LRFN2: variants seen among roughly 807,000 people sequenced by gnomAD.
LRFN2 encodes leucine-rich repeat and fibronectin type-III domain-containing protein 2.
In LRFN2, 18 loss-of-function variants were observed where a neutral mutation model predicts 37.3. The observed-to-expected ratio is 0.48, with a 90% CI of 0.33 to 0.72. The LOEUF is 0.72. Among genes scored for constraint, LRFN2 ranks in the 30% least tolerant of loss-of-function variants. LRFN2 has a pLI of 0.02. For synonymous variants in LRFN2, 556 were observed against 466.6 expected (o/e 1.19, Z -2.47); for missense variants, 1,006 against 1,060.7 (o/e 0.95, Z 0.72).
chr6:40,576,495 A>C (rs2494945), intron 1 of LRFN2, among the ~76,000 whole-genome samples: 80,811 of 152,066 alleles, frequency 0.53, 22,068 homozygotes, highest in African/African-American at 0.64. Context: ...GCAGCCCAGC[A>C]TGAGATAACT....
At chr6:40,541,339 C>T (rs977473873) in intron 1 of LRFN2, among the ~76,000 whole-genome samples, 3 of 152,200 alleles carry the variant, frequency 2.0e-5, no homozygotes, top group African/African-American at 7.2e-5. Context: ...TTTTCAGTCG[C>T]CTCACATTCC....
intron 1 of LRFN2, among the ~76,000 whole-genome samples, chr6:40,523,522 T>C (rs1766151458): frequency 6.7e-6 from 1 of 149,098 alleles, no homozygotes; most frequent in Admixed American, 6.7e-5. Flanking sequence ...TTTTTTTTTT[T>C]TTTTTTTTTT....
chr6:40,435,050 T>TAG (rs1384410748), intron 1 of LRFN2, among the ~76,000 whole-genome samples: 434 of 60,008 alleles, frequency 7.2e-3, no homozygotes, highest in Non-Finnish European at 8.3e-3. Context: ...TATATATATA[T>TAG]ATAGAGAGAG....
intron 2 of LRFN2, among the ~76,000 whole-genome samples, chr6:40,419,929 G>A (rs905731917): frequency 6.6e-6 from 1 of 152,226 alleles, no homozygotes; most frequent in African/African-American, 2.4e-5. Context: ...TTGCTAAACT[G>A]AGAAGCTCCT....
At chr6:40,466,643 T>C (rs1764474808) in intron 1 of LRFN2, among the ~76,000 whole-genome samples, 1 of 152,118 alleles carries the variant, frequency 6.6e-6, no homozygotes, top group African/African-American at 2.4e-5. Flanking sequence ...AGGTAGATGG[T>C]GCTCCAATCC....
At chr6:40,405,436 A>G (rs2113800279) in intron 2 of LRFN2, among the ~76,000 whole-genome samples, 1 of 152,294 alleles carries the variant, frequency 6.6e-6, no homozygotes, top group Non-Finnish European at 1.5e-5. Flanking sequence ...TCTGCCTTAT[A>G]GGGTTGTTAT....
intron 2 of LRFN2, among the ~76,000 whole-genome samples, chr6:40,422,168 A>T (rs1355676755): frequency 6.6e-6 from 1 of 151,332 alleles, no homozygotes; most frequent in Non-Finnish European, 1.5e-5. Flanking sequence ...AACCCCATAG[A>T]GAAAAGATTT....
chr6:40,449,769 T>A (rs962491274), intron 1 of LRFN2, among the ~76,000 whole-genome samples: 1 of 152,206 alleles, frequency 6.6e-6, no homozygotes, highest in African/African-American at 2.4e-5. Flanking sequence ...TATATACTCC[T>A]CACCCCATTT....
At chr6:40,481,077 C>T (rs1764816400) in intron 1 of LRFN2, among the ~76,000 whole-genome samples, 1 of 152,122 alleles carries the variant, frequency 6.6e-6, no homozygotes, top group African/African-American at 2.4e-5. Flanking sequence ...TGATGGGCCC[C>T]TGACAAGCAT....
chr6:40,415,510 G>A (rs1025119842), intron 2 of LRFN2, among the ~76,000 whole-genome samples: 1 of 152,292 alleles, frequency 6.6e-6, no homozygotes, highest in Non-Finnish European at 1.5e-5. Flanking sequence ...ACAGGCATGA[G>A]CCACGCACCC....
At chr6:40,418,036 C>T (rs1434301256) in intron 2 of LRFN2, among the ~76,000 whole-genome samples, 6 of 152,152 alleles carry the variant, frequency 3.9e-5, no homozygotes, top group Non-Finnish European at 8.8e-5. Flanking sequence ...AGCCCCAGCC[C>T]CAGAGGTTTC....
intron 1 of LRFN2, among the ~76,000 whole-genome samples, chr6:40,580,660 C>A (rs1767380981): frequency 6.6e-6 from 1 of 152,134 alleles, no homozygotes; most frequent in Non-Finnish European, 1.5e-5. Flanking sequence ...GACAGAAGGC[C>A]ATGTATTGAC....
chr6:40,428,282 C>G (rs765197218), intron 2 of LRFN2, among the ~76,000 whole-genome samples: 12 of 152,206 alleles, frequency 7.9e-5, no homozygotes, highest in Non-Finnish European at 1.5e-4. Flanking sequence ...TAACCTCTTT[C>G]CCAATCAACA....
chr6:40,509,854 A>G (rs1765653746), intron 1 of LRFN2, among the ~76,000 whole-genome samples: 1 of 150,072 alleles, frequency 6.7e-6, no homozygotes, highest in South Asian at 2.1e-4. Flanking sequence ...GAGTGCACGC[A>G]TGTGAGTATG....
intron 2 of LRFN2, among the ~76,000 whole-genome samples, chr6:40,397,639 C>T (rs1007470826): frequency 6.6e-6 from 1 of 152,202 alleles, no homozygotes; most frequent in African/African-American, 2.4e-5. Context: ...GGTAGGAAAA[C>T]ACTGCAGAAT....
At chr6:40,455,341 A>G (rs1169651127) in intron 1 of LRFN2, among the ~76,000 whole-genome samples, 1 of 152,020 alleles carries the variant, frequency 6.6e-6, no homozygotes, top group Admixed American at 6.6e-5. Flanking sequence ...TGTTTGCTCC[A>G]CCTCGGTTGT....
At chr6:40,440,395 T>G (rs911280930) in intron 1 of LRFN2, among the ~76,000 whole-genome samples, 1 of 152,210 alleles carries the variant, frequency 6.6e-6, no homozygotes, top group Admixed American at 6.5e-5. Context: ...TGGCAGGGAT[T>G]GTATATTGCT....
intron 1 of LRFN2, among the ~76,000 whole-genome samples, chr6:40,524,784 C>A (rs1317359916): frequency 6.6e-6 from 1 of 152,186 alleles, no homozygotes; most frequent in Non-Finnish European, 1.5e-5. Context: ...AAACTGGATC[C>A]TAATAGTAAC....
At chr6:40,478,461 T>A (rs1009938937) in intron 1 of LRFN2, among the ~76,000 whole-genome samples, 2 of 152,250 alleles carry the variant, frequency 1.3e-5, no homozygotes, top group Admixed American at 6.5e-5. Context: ...GTATCCTTAT[T>A]ATACACATGG....
Sources: gnomAD v4.1 joint callset for allele counts (sites outside exome capture counted in the v4.1 genomes callset) on GRCh38, gnomAD v4.1.1 for gene constraint, MANE v1.5 for transcripts, NCBI Gene and HGNC (gene_info 2026-07-23, HGNC 2026-07-21) for gene names.